ASH2L: variants seen among roughly 807,000 people sequenced by gnomAD.
The protein encoded by ASH2L is ASH2 like, histone lysine methyltransferase complex subunit.
A neutral mutation model predicts 81.1 loss-of-function variants in ASH2L; 30 were observed. The observed-to-expected ratio is 0.37, with a 90% confidence interval of 0.28 to 0.50. ASH2L has a LOEUF of 0.50. ASH2L is among the 20% of genes least tolerant of loss of function. The pLI is 0.95. For missense variants in ASH2L, 559 were observed against 792.1 expected (o/e 0.71, Z 3.53); for synonymous variants, 273 against 279.9 (o/e 0.98, Z 0.24).
intron 14 of ASH2L, chr8:38,137,394 A>AG (rs1286021648): frequency 1.3e-5 from 2 of 149,990 alleles, no homozygotes; most frequent in Non-Finnish European, 3.0e-5. Flanking sequence ...AAATACAAAA[A>AG]AAAAAAAAAA....
intron 13 of ASH2L, 66 bp downstream of exon 13, chr8:38,133,612 A>C (rs1265785588): frequency 7.7e-7 from 1 of 1,292,012 alleles, no homozygotes; most frequent in Admixed American, 2.5e-5. Flanking sequence ...TTCCTTCATT[A>C]TAAAAGTGAG....
At position 38,120,383 on chromosome 8, in the gene ASH2L, A is replaced by G. The variant is rs1811086748; in HGVS notation, c.948-549A>G. Among the ~76,000 whole-genome samples, 4 of 152,174 alleles carry G rather than the reference A, an allele frequency of 2.6e-5. No homozygotes were observed. In the South Asian group the frequency reaches 6.2e-4, roughly 24 times the overall value. Reference sequence around the variant, plus strand: ...CATGCCTTTTCCCTTCCCTTTGTCTAAAGCTGAGGTGATGAAATCCAGGTT... The same window carrying G: ...CATGCCTTTTCCCTTCCCTTTGTCTGAAGCTGAGGTGATGAAATCCAGGTT... On this transcript the variant is annotated intron_variant, in intron 9 of 15. Coordinates refer to ENST00000343823, the MANE Select transcript of ASH2L (RefSeq NM_004674.5).
chr8:38,124,665 C>CT (rs1401757552), intron 10 of ASH2L: 1 of 152,204 alleles, frequency 6.6e-6, no homozygotes, highest in Non-Finnish European at 1.5e-5. Flanking sequence ...GCCATTTTTT[C>CT]TTTCTGTGGA....
intron 6 of ASH2L, 168 bp from the exon 7 acceptor site, chr8:38,114,734 CTGT>C (rs1810823377): frequency 8.7e-6 from 5 of 577,550 alleles, no homozygotes; most frequent in Non-Finnish European, 1.6e-5. Flanking sequence ...TTGTGTTTCT[CTGT>C]TGTTTGAATT....
At chr8:38,138,921 G>A (rs1245186565) in intron 15 of ASH2L, 43 bp from the exon 16 acceptor site, 3 of 1,612,120 alleles carry the variant, frequency 1.9e-6, no homozygotes, top group Non-Finnish European at 8.5e-7. Flanking sequence ...GCATCTCCGT[G>A]GCTGCTGTAG....
At chr8:38,109,997 C>T (rs1369933029) in intron 3 of ASH2L, among the ~76,000 whole-genome samples, 1 of 152,100 alleles carries the variant, frequency 6.6e-6, no homozygotes, top group Non-Finnish European at 1.5e-5. Flanking sequence ...AATATGAGCC[C>T]TGTTTTGGTT....
intron 12 of ASH2L, 32 bp downstream of exon 12, chr8:38,128,983 C>T (rs368492603): frequency 6.3e-7 from 1 of 1,596,172 alleles, no homozygotes; most frequent in African/African-American, 1.3e-5. Flanking sequence ...AGATTCCTGG[C>T]TTTGAAGGCC....
At position 38,120,451 on chromosome 8, in the gene ASH2L, A is replaced by G. The variant is rs111869208; in HGVS notation, c.948-481A>G. Among the ~76,000 whole-genome samples the G allele has an allele frequency of 5.3e-5, 8 of 152,124 alleles. 1 individual carries two copies. The highest frequency in any genetic ancestry group is 1.9e-4 in the East Asian group (1 of 5,172). On this transcript the variant is annotated intron_variant, in intron 9 of 15. Transcript: ENST00000343823. ...TTTTTGTGAGATGGAGTTTTGCTCT[A>G]TCACCCAGGCTGGAGTGCAGTGATG...
intron 9 of ASH2L, 131 bp downstream of exon 9, chr8:38,119,494 CT>C: frequency 2.8e-6 from 2 of 720,148 alleles, no homozygotes; most frequent in Non-Finnish European, 2.2e-6. Context: ...ACCTTGAGCA[CT>C]TTGAGGGACA....
intron 10 of ASH2L, among the ~76,000 whole-genome samples, chr8:38,123,810 T>TAC (rs1394535113): frequency 6.6e-6 from 1 of 152,218 alleles, no homozygotes; most frequent in African/African-American, 2.4e-5. Flanking sequence ...GCAGATACAG[T>TAC]ACATGTATAT....
chr8:38,128,834 G>A lies in ASH2L; in HGVS notation c.1410G>A (p.Gln470=). The change falls in exon 12 of 16, where the codon CAG becomes CAA. Residue 470 remains glutamine (Q), a synonymous_variant. Coordinates refer to ENST00000343823, the MANE Select transcript of ASH2L (RefSeq NM_004674.5). ...WRSKKGTKFH[Q]SIGKHYSSGY... The stretch of plus-strand genomic sequence containing the variant: ...GCAAAAAGGGAACCAAGTTCCACCA[G>A]TCCATTGGCAAACACTACTCTTCTG... 1 of 1,614,172 alleles carries A rather than the reference G, an allele frequency of 6.2e-7. No homozygotes were observed. Among genetic ancestry groups the A allele is most frequent in the Non-Finnish European group, 8.5e-7 (1 of 1,180,038 alleles).
At chr8:38,106,519 T>G in intron 2 of ASH2L, 75 bp downstream of exon 2, 1 of 1,340,578 alleles carries the variant, frequency 7.5e-7, no homozygotes. Context: ...TTTTTTTTTT[T>G]TTTGTTGCGA....
At chr8:38,135,895 C>A in intron 14 of ASH2L, 129 bp downstream of exon 14, 1 of 631,308 alleles carries the variant, frequency 1.6e-6, no homozygotes, top group Non-Finnish European at 2.7e-6. Flanking sequence ...GTGTTGTTAC[C>A]ATTACTGTTT....
At chr8:38,112,644 T>G (rs758398049) in intron 5 of ASH2L, among the ~76,000 whole-genome samples, 1 of 152,162 alleles carries the variant, frequency 6.6e-6, no homozygotes, top group East Asian at 1.9e-4. Context: ...ATATAAGATA[T>G]TGCTTTGTTT....
At chr8:38,136,730 G>C (rs1355554653) in intron 14 of ASH2L, among the ~76,000 whole-genome samples, 1 of 150,386 alleles carries the variant, frequency 6.6e-6, no homozygotes. Context: ...AGCTGAGGTC[G>C]TGCCACTACT....
chr8:38,121,333 T>TTATATATA (rs71216649), intron 10 of ASH2L, among the ~76,000 whole-genome samples, 184 bp downstream of exon 10: 2 of 59,662 alleles, frequency 3.4e-5, no homozygotes, highest in African/African-American at 1.3e-4. Context: ...GCCGTTTTAT[T>TTATATATA]TATATATATA....
chr8:38,137,389 C>CAAAAAAA (rs71216651), intron 14 of ASH2L: 1 of 124,228 alleles, frequency 8.0e-6, no homozygotes, highest in Non-Finnish European at 1.6e-5. Flanking sequence ...TCTAAAAATA[C>CAAAAAAA]AAAAAAAAAA....
At chr8:38,128,669 A>G in intron 11 of ASH2L, 89 bp from the exon 12 acceptor site, 1 of 1,544,918 alleles carries the variant, frequency 6.5e-7, no homozygotes, top group African/African-American at 1.4e-5. Flanking sequence ...TGACCAAAAA[A>G]CATAAAAAGA....
At chr8:38,136,258 C>T (rs1009726327) in intron 14 of ASH2L, among the ~76,000 whole-genome samples, 1 of 151,382 alleles carries the variant, frequency 6.6e-6, no homozygotes, top group African/African-American at 2.4e-5. Context: ...TTTGTAGAGG[C>T]AGGATCTCAC....
Sources: allele counts gnomAD v4.1 joint callset (sites outside exome capture counted in the v4.1 genomes callset), GRCh38; gene constraint gnomAD v4.1.1; transcripts MANE v1.5; gene names NCBI Gene and HGNC (gene_info 2026-07-23, HGNC 2026-07-21).